Variants in SGCD observed in about 807,000 individuals in gnomAD.
The protein encoded by SGCD is delta-sarcoglycan.
SGCD carries 18 observed loss-of-function variants against 36.6 expected under a neutral mutation model. The ratio of observed to expected loss-of-function variants is 0.49; its 90% CI spans 0.34 to 0.73. The LOEUF is 0.73. Ranked by LOEUF, SGCD falls within the 30% of genes least tolerant of loss-of-function variation. The pLI is 0.01. For missense variants in SGCD, 387 were observed against 346.7 expected (o/e 1.12, Z -0.92); for synonymous variants, 133 against 130.6 (o/e 1.02, Z -0.12).
At chr5:156,678,789 AG>A (rs1341102862) in intron 7 of SGCD, among the ~76,000 whole-genome samples, 16 of 152,234 alleles carry the variant, frequency 1.1e-4, no homozygotes, top group African/African-American at 3.9e-4. Flanking sequence ...CTCTAACTGC[AG>A]AAACTGAGCA....
intron 3 of SGCD, among the ~76,000 whole-genome samples, chr5:156,356,181 A>G (rs1188665819): frequency 2.0e-5 from 3 of 152,232 alleles, no homozygotes; most frequent in African/African-American, 7.2e-5. Flanking sequence ...TAAAACAGCA[A>G]TAATTTGTTT....
intron 7 of SGCD, among the ~76,000 whole-genome samples, chr5:156,751,212 T>C (rs1266992607): frequency 1.3e-5 from 2 of 152,166 alleles, no homozygotes; most frequent in African/African-American, 4.8e-5. Flanking sequence ...GCCATAAAGG[T>C]ATGGGAATAT....
In SGCD at chr5:156,328,380, T is replaced by G. The variant is rs1391664344; in HGVS notation, c.-44+1148T>G. On this transcript the variant is annotated intron_variant, in intron 1 of 8. Coordinates refer to ENST00000337851, the MANE Select transcript of SGCD (RefSeq NM_000337.6). ...TTGGCCAAAAGTCTGGTTGGGGAGA[T>G]GGATGAATGAATGGAATCTTGGATA... Among the ~76,000 whole-genome samples the G allele has an allele frequency of 5.3e-5, 8 of 152,190 alleles. No homozygotes were observed. The East Asian group carries it at 1.5e-3, about 29-fold the overall frequency.
In SGCD at chr5:156,764,177, C is replaced by G. The variant is rs1423608106; in HGVS notation, c.*4787C>G. ...ATAAGAAACAACCTTCGAAAACAGG[C>G]CTTTTATCTCAAAGATAAAATGTCT... On this transcript the variant is annotated 3_prime_UTR_variant, in exon 9 of 9. Transcript: ENST00000337851. 6.6e-6 allele frequency: 1 copy of G among 152,504 alleles called. No homozygotes were observed. Among genetic ancestry groups the G allele is most frequent in the Non-Finnish European group, 1.5e-5 (1 of 68,006 alleles). The allele number at this position is 152,504 out of a possible 1,614,324, so 9.4% of individuals were successfully genotyped here.
chr5:156,382,343 C>T (rs1771029912), intron 3 of SGCD, among the ~76,000 whole-genome samples: 1 of 152,148 alleles, frequency 6.6e-6, no homozygotes, highest in African/African-American at 2.4e-5. Flanking sequence ...TAGAAGCTCA[C>T]TCATGTTACT....
chr5:155,896,577 T>C (rs940343487), intron 1 of SGCD, among the ~76,000 whole-genome samples: 2 of 150,662 alleles, frequency 1.3e-5, no homozygotes, highest in Admixed American at 6.6e-5. Flanking sequence ...GCATTGGAGG[T>C]CAAGGCTGCA....
At chr5:156,264,634 T>G (rs577256876) in intron 3 of SGCD, among the ~76,000 whole-genome samples, 1 of 152,198 alleles carries the variant, frequency 6.6e-6, no homozygotes, top group East Asian at 1.9e-4. Context: ...GCTTCAGATT[T>G]AAATTAGATA....
intron 1 of SGCD, among the ~76,000 whole-genome samples, chr5:156,107,307 AAG>A (rs1761672287): frequency 6.6e-6 from 1 of 152,144 alleles, no homozygotes; most frequent in Admixed American, 6.6e-5. Flanking sequence ...TTTGGATCAG[AAG>A]TTGTGGGCCC....
the SGCD span, among the ~76,000 whole-genome samples, chr5:155,740,594 A>G: frequency 6.6e-6 from 1 of 152,206 alleles, no homozygotes; most frequent in Non-Finnish European, 1.5e-5. Context: ...GCTGTGCCAG[A>G]ACTGACATTT....
intron 3 of SGCD, among the ~76,000 whole-genome samples, chr5:156,238,783 G>C (rs1392456172): frequency 6.6e-6 from 1 of 152,220 alleles, no homozygotes; most frequent in South Asian, 2.1e-4. Context: ...TGGTTTGACT[G>C]TGCATGTGTT....
At chr5:156,519,299 T>G (rs371835405) in intron 4 of SGCD, among the ~76,000 whole-genome samples, 63 of 152,198 alleles carry the variant, frequency 4.1e-4, no homozygotes, top group African/African-American at 1.4e-3. Flanking sequence ...GTTGATTCCC[T>G]GAATAGACCA....
intron 1 of SGCD, among the ~76,000 whole-genome samples, chr5:156,068,562 G>C (rs1421303597): frequency 6.6e-6 from 1 of 151,796 alleles, no homozygotes; most frequent in Non-Finnish European, 1.5e-5. Context: ...TTGCTATTGT[G>C]AATAGTGCCG....
Position 156,175,438 on chromosome 5 carries a change from A to G in SGCD, c.-44+51419A>G, listed in dbSNP as rs968180615. On this transcript the variant is annotated intron_variant, in intron 3 of 9. Transcript: ENST00000517913. ...AAAAAAAATATTCGTGTACCTTAAC[A>G]TTTACCAAATCACCAACTACACCAT... 5.9e-5 allele frequency among the ~76,000 whole-genome samples: 9 copies of G among 152,088 alleles called. 1 individual carries two copies. Among genetic ancestry groups the G allele is most frequent in the Non-Finnish European group, 1.3e-4 (9 of 68,002 alleles).
chr5:156,523,006 G>A (rs1757479126), intron 4 of SGCD, among the ~76,000 whole-genome samples: 1 of 152,030 alleles, frequency 6.6e-6, no homozygotes, highest in African/African-American at 2.4e-5. Context: ...AATCCATTTT[G>A]ATTTTAGCAT....
At chr5:156,236,782 C>T (rs1342022613) in intron 3 of SGCD, among the ~76,000 whole-genome samples, 2 of 151,148 alleles carry the variant, frequency 1.3e-5, no homozygotes, top group African/African-American at 4.9e-5. Context: ...TGCTCCTGCT[C>T]CCAACACCAA....
intron 4 of SGCD, among the ~76,000 whole-genome samples, chr5:156,551,020 A>C (rs1376235385): frequency 6.6e-6 from 1 of 152,016 alleles, no homozygotes; most frequent in African/African-American, 2.4e-5. Context: ...TCCTACATAT[A>C]CTCATTCCTC....
chr5:156,126,708 C>T lies in SGCD; in HGVS notation c.-44+2689C>T, dbSNP rs571138982. ...TCAGATGTCTTTTCAAGTGCAGACA[C>T]TATTAATTAGTGGCTATGGAACTAG... On this transcript the variant is annotated intron_variant, in intron 3 of 9. Transcript: ENST00000517913. 8.5e-5 allele frequency among the ~76,000 whole-genome samples: 13 copies of T among 152,276 alleles called. No homozygotes were observed. In the South Asian group the frequency reaches 2.7e-3, roughly 32 times the overall value.
chr5:155,836,188 A>G, the SGCD span, among the ~76,000 whole-genome samples: 1 of 152,092 alleles, frequency 6.6e-6, no homozygotes, highest in Non-Finnish European at 1.5e-5. Context: ...TGGACTGAGG[A>G]GATAGCTGGA....
chr5:155,910,338 ATTC>A (rs1756605069), intron 1 of SGCD, among the ~76,000 whole-genome samples: 1 of 152,172 alleles, frequency 6.6e-6, no homozygotes, highest in Non-Finnish European at 1.5e-5. Context: ...AAATCATCAT[ATTC>A]TTCTTTTAAA....
Sources: allele counts gnomAD v4.1 joint callset (sites outside exome capture counted in the v4.1 genomes callset), GRCh38; gene constraint gnomAD v4.1.1; transcripts MANE v1.5; gene names NCBI Gene and HGNC (gene_info 2026-07-23, HGNC 2026-07-21).